HKDC1: variants seen among roughly 807,000 people sequenced by gnomAD.
HKDC1 encodes hexokinase HKDC1.
HKDC1 carries 66 observed loss-of-function variants against 96.6 expected under a neutral mutation model. The ratio of observed to expected loss-of-function variants is 0.68; its 90% CI spans 0.56 to 0.84. The LOEUF is 0.84. Among genes scored for constraint, HKDC1 ranks in the 40% least tolerant of loss-of-function variants. The probability of loss-of-function intolerance (pLI) is 0.00; values close to 1 mark genes in which losing one functional copy is unlikely to be tolerated. For missense variants in HKDC1, 1,211 were observed against 1,208.1 expected (o/e 1.00, Z -0.04); for synonymous variants, 466 against 473.1 (o/e 0.98, Z 0.20).
At chr10:69,240,492 C>T (rs1843438310) in intron 5 of HKDC1, among the ~76,000 whole-genome samples, 160 bp from the exon 6 acceptor site, 1 of 152,106 alleles carries the variant, frequency 6.6e-6, no homozygotes, top group Non-Finnish European at 1.5e-5. Context: ...TCCCCTAGAC[C>T]CTGAACCTTG....
chr10:69,236,640 C>T (rs1341196907), intron 4 of HKDC1, among the ~76,000 whole-genome samples: 6 of 151,792 alleles, frequency 4.0e-5, no homozygotes, highest in East Asian at 4.0e-4. Flanking sequence ...ATTAGTCGGG[C>T]GTGGTGGCAC....
chr10:69,235,026 G>A (rs1175879848), intron 4 of HKDC1, among the ~76,000 whole-genome samples: 2 of 152,212 alleles, frequency 1.3e-5, no homozygotes, highest in Middle Eastern at 3.2e-3. Flanking sequence ...ACCCTGGGAG[G>A]CTGAGGCGGG....
chr10:69,255,316 T>C (rs1843701705), intron 12 of HKDC1, among the ~76,000 whole-genome samples: 1 of 152,240 alleles, frequency 6.6e-6, no homozygotes, highest in African/African-American at 2.4e-5. Context: ...TCTCTAATGT[T>C]CTACACATAC....
chr10:69,257,251 C>G, intron 13 of HKDC1, 76 bp from the exon 14 acceptor site: 1 of 1,458,460 alleles, frequency 6.9e-7, no homozygotes. Flanking sequence ...ATAACATGCC[C>G]CTCCTAAACC....
intron 15 of HKDC1, among the ~76,000 whole-genome samples, chr10:69,260,338 C>T (rs750666710): frequency 6.6e-6 from 1 of 152,102 alleles, no homozygotes; most frequent in African/African-American, 2.4e-5. Context: ...AGGATTGCTC[C>T]AAAAAGAAGG....
At chr10:69,225,479 G>A (rs1843141365) in intron 1 of HKDC1, among the ~76,000 whole-genome samples, 1 of 152,152 alleles carries the variant, frequency 6.6e-6, no homozygotes, top group South Asian at 2.1e-4. Flanking sequence ...CAAATATGCT[G>A]AAAGCTCAAT....
At chr10:69,221,978 T>C (rs1186078531) in intron 1 of HKDC1, among the ~76,000 whole-genome samples, 1 of 151,666 alleles carries the variant, frequency 6.6e-6, no homozygotes, top group Non-Finnish European at 1.5e-5. Flanking sequence ...TCCCAGCACT[T>C]TGGGAGGCCA....
In HKDC1 at chr10:69,267,232, C is replaced by T; in HGVS notation, c.*475C>T. 1 of 311,380 alleles carries T rather than the reference C, an allele frequency of 3.2e-6. No homozygotes were observed. The highest frequency in any genetic ancestry group is 6.2e-6 in the Non-Finnish European group (1 of 161,502). The allele number at this position is 311,380 out of a possible 1,614,324, so 19.3% of individuals were successfully genotyped here. On this transcript the variant is annotated 3_prime_UTR_variant, in exon 18 of 18. Coordinates refer to ENST00000354624, the MANE Select transcript of HKDC1 (RefSeq NM_025130.4). ...CTCACGTTATGAACTAGGGGGATCT[C>T]ATCTAACTTGTCCTTAACTTGCCAT...
rs141872562 is a variant in HKDC1 at position 69,230,283 on chromosome 10, C to T, written c.227-2481C>T. Among the ~76,000 whole-genome samples the T allele has an allele frequency of 1.5e-3, 228 of 152,304 alleles. 1 individual carries two copies. The highest frequency in any genetic ancestry group is 5.3e-3 in the African/African-American group (220 of 41,586). On this transcript the variant is annotated intron_variant, in intron 2 of 17. Transcript: ENST00000354624. ...TGGCTTGACCCCTGCTGGCTCTGTT[C>T]CAGGCCTTAGCCTCCAGTCAGCCTC...
rs575304284 is a variant in HKDC1 at position 69,238,270 on chromosome 10, A to G, written c.496-772A>G. 3.3e-5 allele frequency among the ~76,000 whole-genome samples: 5 copies of G among 152,292 alleles called. No individual in the cohort carries two copies. The South Asian group carries it at 1.0e-3, about 32-fold the overall frequency. ...GGAATCATTTTTCTAAGTTGAAATG[A>G]AGTTCCTGAGACAATCCTGCAAGGT... On this transcript the variant is annotated intron_variant, in intron 4 of 17. Coordinates refer to ENST00000354624, the MANE Select transcript of HKDC1 (RefSeq NM_025130.4).
chr10:69,246,681 C>T (rs1224125796), intron 8 of HKDC1, among the ~76,000 whole-genome samples: 1 of 152,222 alleles, frequency 6.6e-6, no homozygotes, highest in Non-Finnish European at 1.5e-5. Context: ...TCCACCTGCT[C>T]CCATCAGGAA....
intron 4 of HKDC1, among the ~76,000 whole-genome samples, chr10:69,236,390 G>A (rs1172898325): frequency 6.6e-6 from 1 of 151,638 alleles, no homozygotes; most frequent in African/African-American, 2.4e-5. Flanking sequence ...TTGCAGGCGT[G>A]GTGAGCCACT....
Position 69,248,427 on chromosome 10 carries a change from C to A in HKDC1, c.1269C>A (p.Tyr423Ter), listed in dbSNP as rs1288790712. ...DGTLYKIHPQ[Y>*]PKRLHKVVRK... is the part of the protein sequence containing the mutation. ...TTTGCCATCACCCCTGCTTCAGGTA[C>A]CCAAAACGCCTGCACAAGGTGGTGA... Residue 423 changes from tyrosine (Y) to a stop codon, truncating the protein, a stop_gained, in exon 10 of 18, where the codon TAC becomes TAA. Transcript: ENST00000354624. LOFTEE classifies it high-confidence loss of function. 1 of 1,549,198 alleles carries A rather than the reference C, an allele frequency of 6.5e-7. No individual in the cohort carries two copies. The highest frequency in any genetic ancestry group is 8.7e-7 in the Non-Finnish European group (1 of 1,145,552).
At position 69,247,557 on chromosome 10, in the gene HKDC1, T is replaced by A. The variant is rs1377304259; in HGVS notation, c.1229T>A (p.Val410Glu). 7.4e-6 allele frequency: 12 copies of A among 1,614,034 alleles called. No homozygotes were observed. The highest frequency in any genetic ancestry group is 9.3e-6 in the Non-Finnish European group (11 of 1,180,030). ...NKKVERLRTTVGMDGTLYKIH... is the reference protein window; with the variant it reads ...NKKVERLRTTEGMDGTLYKIH... ...AAGGTGGAACGGCTCCGGACCACAG[T>A]GGGCATGGACGGCACCCTCTACAAG... The change falls in exon 9 of 18, where the codon GTG (valine) becomes GAG (glutamate). Residue 410 changes from valine (V) to glutamate (E), a missense_variant. By Grantham distance (121) the Val-to-Glu change is moderately radical (BLOSUM62 -2). Coordinates refer to ENST00000354624, the MANE Select transcript of HKDC1 (RefSeq NM_025130.4).
rs1352610700 is a variant in HKDC1 at position 69,245,936 on chromosome 10, T to A, written c.876-143T>A. 3 of 987,212 alleles carry A rather than the reference T, an allele frequency of 3.0e-6. No individual in the cohort carries two copies. In the African/African-American group the frequency reaches 4.8e-5, roughly 16 times the overall value. The allele number at this position is 987,212 out of a possible 1,614,324, so 61.2% of individuals were successfully genotyped here. On this transcript the variant is annotated intron_variant, in intron 7 of 17. Coordinates refer to ENST00000354624, the MANE Select transcript of HKDC1 (RefSeq NM_025130.4). ...TGATTTGAGACAAAAGTTCTTGCCA[T>A]CCAGCACTTTGCGAGAAGGAGGGAA...
chr10:69,257,269 C>T (rs1351583557), intron 13 of HKDC1, 58 bp from the exon 14 acceptor site: 4 of 1,522,316 alleles, frequency 2.6e-6, no homozygotes, highest in Non-Finnish European at 3.6e-6. Flanking sequence ...ACCTGTTTGG[C>T]TTGCACATTC....
In HKDC1 at chr10:69,257,060, G is replaced by T. The variant is rs772526820; in HGVS notation, c.1861G>T (p.Gly621Cys). ...GGGAACACTCATAGGGTGGACCAAA[G>T]GTTTCAAGGCCACTGACTGTGAAGG... ...DKGTLIGWTK[G>C]FKATDCEGED... The change falls in exon 13 of 18, where the codon GGT (glycine) becomes TGT (cysteine). Residue 621 changes from glycine (G) to cysteine (C), a missense_variant. Transcript: ENST00000354624. 2 of 1,614,122 alleles carry T rather than the reference G, an allele frequency of 1.2e-6. No homozygotes were observed. The highest frequency in any genetic ancestry group is 1.7e-6 in the Non-Finnish European group (2 of 1,179,996).
chr10:69,231,427 A>G lies in HKDC1; in HGVS notation c.227-1337A>G, dbSNP rs139822930. Among the ~76,000 whole-genome samples, 325 of 152,214 alleles carry G rather than the reference A, an allele frequency of 2.1e-3. 1 individual carries two copies. The highest frequency in any genetic ancestry group is 7.3e-3 in the African/African-American group (305 of 41,530). Reference sequence around the variant, plus strand: ...ACAGCTGCCCTCCTTTGGCAAAAGCACACTCACTCTTAGCGGATGCTTTCT... The same window carrying G: ...ACAGCTGCCCTCCTTTGGCAAAAGCGCACTCACTCTTAGCGGATGCTTTCT... On this transcript the variant is annotated intron_variant, in intron 2 of 17. Coordinates refer to ENST00000354624, the MANE Select transcript of HKDC1 (RefSeq NM_025130.4).
chr10:69,265,609 C>T lies in HKDC1; in HGVS notation c.2397C>T (p.Val799=). The T allele has an allele frequency of 6.2e-7, 1 of 1,613,670 alleles. No homozygotes were observed. Among genetic ancestry groups the T allele is most frequent in the Non-Finnish European group, 8.5e-7 (1 of 1,179,896 alleles). Reference sequence around the variant, plus strand: ...GCGATCGGCTGGCCCTTCTCCAGGTCAGGAGGATTCTGCAGCAGCTGGGCC... The same window carrying T: ...GCGATCGGCTGGCCCTTCTCCAGGTTAGGAGGATTCTGCAGCAGCTGGGCC... ...IESDRLALLQ[V]RRILQQLGLD... is the part of the protein sequence containing the mutation. The change falls in exon 17 of 18, where the codon GTC becomes GTT. Residue 799 remains valine (V), a synonymous_variant. Coordinates refer to ENST00000354624, the MANE Select transcript of HKDC1 (RefSeq NM_025130.4).
Sources: allele counts gnomAD v4.1 joint callset (sites outside exome capture counted in the v4.1 genomes callset), GRCh38; gene constraint gnomAD v4.1.1; transcripts MANE v1.5; gene names NCBI Gene and HGNC (gene_info 2026-07-23, HGNC 2026-07-21).